Variants in RBMS3 observed in about 807,000 individuals in gnomAD.
RBMS3 encodes RNA-binding motif, single-stranded-interacting protein 3.
RBMS3 carries 27 observed loss-of-function variants against 66.8 expected under a neutral mutation model. That is an observed-to-expected ratio of 0.40 (90% CI 0.30 to 0.56). The LOEUF (loss-of-function observed/expected upper bound fraction) is 0.56, where lower values mean the gene tolerates loss of function less well. Ranked by LOEUF, RBMS3 falls within the 20% of genes least tolerant of loss-of-function variation. RBMS3 has a pLI of 0.40. For missense variants in RBMS3, 513 were observed against 549.5 expected (o/e 0.93, Z 0.66); for synonymous variants, 188 against 183.0 (o/e 1.03, Z -0.22).
chr3:29,955,907 C>T (rs1399445285), intron 12 of RBMS3, among the ~76,000 whole-genome samples: 4 of 152,028 alleles, frequency 2.6e-5, no homozygotes, highest in African/African-American at 9.7e-5. Flanking sequence ...TTCCCTTCAC[C>T]TGATTTTTCT....
chr3:29,598,435 AG>A (rs1385536683), intron 4 of RBMS3, among the ~76,000 whole-genome samples: 2 of 152,116 alleles, frequency 1.3e-5, no homozygotes, highest in African/African-American at 4.8e-5. Flanking sequence ...GAAAGACTCA[AG>A]GATTTTATAA....
chr3:29,455,728 A>G (rs557314506), intron 2 of RBMS3, among the ~76,000 whole-genome samples: 1 of 152,188 alleles, frequency 6.6e-6, no homozygotes, highest in East Asian at 1.9e-4. Context: ...GCTTCCTGGC[A>G]CTTAGGAACA....
At chr3:29,895,898 G>A (rs1365141778) in intron 8 of RBMS3, among the ~76,000 whole-genome samples, 5 of 149,962 alleles carry the variant, frequency 3.3e-5, no homozygotes, top group Admixed American at 3.3e-4. Context: ...TGTTAGTATT[G>A]TCTTTAAAAA....
intron 2 of RBMS3, among the ~76,000 whole-genome samples, chr3:29,464,951 G>A (rs547073118): frequency 2.2e-4 from 34 of 152,214 alleles, no homozygotes; most frequent in African/African-American, 7.9e-4. Flanking sequence ...AAGCATTTTA[G>A]GGACAGAACT....
intron 4 of RBMS3, among the ~76,000 whole-genome samples, chr3:29,604,781 A>G (rs7647577): frequency 0.032 from 4,930 of 152,044 alleles, 127 homozygotes; most frequent in Admixed American, 0.086. Context: ...TTTAATATCT[A>G]TCACTCAGTA....
intron 2 of RBMS3, among the ~76,000 whole-genome samples, chr3:29,477,307 G>A (rs2042979410): frequency 6.6e-6 from 1 of 152,022 alleles, no homozygotes; most frequent in East Asian, 1.9e-4. Context: ...CAAAATAGGA[G>A]GCATATCACT....
intron 4 of RBMS3, among the ~76,000 whole-genome samples, chr3:29,606,140 T>C (rs1251527036): frequency 1.6e-4 from 24 of 151,838 alleles, no homozygotes; most frequent in Admixed American, 1.4e-3. Context: ...CTTAAGTCTT[T>C]AGGTTGCTTA....
In RBMS3 at chr3:29,773,635, GC is replaced by G. The variant is rs201446139; in HGVS notation, c.637+10649del. ...AAATGTTAGTGCTCCCGGAGTGTTT[GC>G]CCGTGGCCATCAACCAGCACCTGCA... On this transcript the variant is annotated intron_variant, in intron 6 of 14. Coordinates refer to ENST00000383767, the MANE Select transcript of RBMS3 (RefSeq NM_001003793.3). Among the ~76,000 whole-genome samples, 781 of 152,166 alleles carry G rather than the reference GC, an allele frequency of 5.1e-3. 10 individuals carry two copies. The highest frequency in any genetic ancestry group is 0.02 in the South Asian group (97 of 4,824).
chr3:29,414,912 T>C (rs1216303581), intron 1 of RBMS3, among the ~76,000 whole-genome samples: 1 of 152,160 alleles, frequency 6.6e-6, no homozygotes. Context: ...AACACCTTTA[T>C]TGTAGGTCAT....
intron 1 of RBMS3, among the ~76,000 whole-genome samples, chr3:29,343,847 A>G (rs2036421501): frequency 6.6e-6 from 1 of 152,156 alleles, no homozygotes; most frequent in African/African-American, 2.4e-5. Flanking sequence ...TGCATTCCCT[A>G]TTTTGCTATG....
intron 1 of RBMS3, among the ~76,000 whole-genome samples, chr3:29,387,327 T>C (rs2039055377): frequency 1.3e-5 from 2 of 152,208 alleles, no homozygotes; most frequent in South Asian, 2.1e-4. Context: ...CCTGCTTTAC[T>C]TTCAGTCTTC....
At chr3:29,878,249 C>T (rs905989150) in intron 7 of RBMS3, among the ~76,000 whole-genome samples, 3 of 152,100 alleles carry the variant, frequency 2.0e-5, no homozygotes, top group African/African-American at 7.2e-5. Context: ...CGGTTCCTAA[C>T]AGGCCATGGA....
intron 1 of RBMS3, among the ~76,000 whole-genome samples, chr3:29,334,718 C>A (rs532599813): frequency 1.3e-5 from 2 of 152,224 alleles, no homozygotes; most frequent in African/African-American, 2.4e-5. Context: ...TCCTGCATTG[C>A]GCTTTAAAGA....
At chr3:29,582,934 A>G (rs192441266) in intron 3 of RBMS3, among the ~76,000 whole-genome samples, 7 of 152,278 alleles carry the variant, frequency 4.6e-5, no homozygotes, top group African/African-American at 1.4e-4. Flanking sequence ...GTAACTAGTG[A>G]AAGTGTGTAT....
chr3:29,833,223 T>C (rs148694729), intron 6 of RBMS3, among the ~76,000 whole-genome samples: 1 of 152,150 alleles, frequency 6.6e-6, no homozygotes, highest in African/African-American at 2.4e-5. Context: ...CTTCTTCAAA[T>C]GAGAATACAG....
At chr3:29,351,456 A>G (rs926690129) in intron 1 of RBMS3, among the ~76,000 whole-genome samples, 12 of 152,234 alleles carry the variant, frequency 7.9e-5, no homozygotes, top group Non-Finnish European at 1.5e-4. Context: ...GCCAATCTGA[A>G]CTGTGAAAAA....
At chr3:29,975,349 C>T (rs1433807137) in intron 12 of RBMS3, among the ~76,000 whole-genome samples, 3 of 151,464 alleles carry the variant, frequency 2.0e-5, no homozygotes. Context: ...CAATGCCAAA[C>T]AATTTTACAA....
At chr3:29,604,776 T>A (rs546365680) in intron 4 of RBMS3, among the ~76,000 whole-genome samples, 18 of 152,102 alleles carry the variant, frequency 1.2e-4, no homozygotes, top group Non-Finnish European at 2.5e-4. Context: ...TAGTTTTTAA[T>A]ATCTATCACT....
chr3:29,830,263 A>G (rs1345695404), intron 6 of RBMS3, among the ~76,000 whole-genome samples: 5 of 152,180 alleles, frequency 3.3e-5, no homozygotes, highest in Admixed American at 6.6e-5. Context: ...CAATTTGACT[A>G]AACATATCGG....
Sources: gnomAD v4.1 joint callset for allele counts (sites outside exome capture counted in the v4.1 genomes callset) on GRCh38, gnomAD v4.1.1 for gene constraint, MANE v1.5 for transcripts, NCBI Gene and HGNC (gene_info 2026-07-23, HGNC 2026-07-21) for gene names.